RASSF5: variants seen among roughly 807,000 people sequenced by gnomAD.
RASSF5 encodes the protein ras association domain-containing protein 5.
Under a neutral mutation model 40.5 loss-of-function variants are expected in RASSF5, and 25 were observed. That is an observed-to-expected ratio of 0.62 (90% CI 0.45 to 0.86). RASSF5 has a LOEUF of 0.86. RASSF5 is among the 40% of genes least tolerant of loss of function. The pLI, the probability that RASSF5 is intolerant of heterozygous loss-of-function variation, is 0.00. For missense variants in RASSF5, 521 were observed against 572.8 expected (o/e 0.91, Z 0.92); for synonymous variants, 246 against 252.4 (o/e 0.97, Z 0.24).
At chr1:206,514,307 T>A (rs528412576) in intron 1 of RASSF5, among the ~76,000 whole-genome samples, 4 of 152,244 alleles carry the variant, frequency 2.6e-5, no homozygotes, top group Non-Finnish European at 5.9e-5. Flanking sequence ...AGATTTTCTT[T>A]CGGATTTTCC....
Position 206,587,267 on chromosome 1 carries a change from T to C in RASSF5, c.*289T>C. 1 of 386,192 alleles carries C rather than the reference T, an allele frequency of 2.6e-6. No individual in the cohort carries two copies. The highest frequency in any genetic ancestry group is 8.4e-4 in the Middle Eastern group (1 of 1,192). 23.9% of individuals were successfully genotyped at this position (386,192 alleles called of 1,614,324 possible). A position where few individuals can be genotyped will look rare whatever the true frequency, so the allele number is the denominator to read the frequency against. ...TGCAAGCCTTTCACCAACCAAATAGTTGCCTCTCTCGTCACCAAACTGGAA... is the reference window on the plus strand; with the variant it reads ...TGCAAGCCTTTCACCAACCAAATAGCTGCCTCTCTCGTCACCAAACTGGAA... On this transcript the variant is annotated 3_prime_UTR_variant, in exon 6 of 6. Transcript: ENST00000579436.
At chr1:206,517,048 A>G (rs1666765472) in intron 1 of RASSF5, among the ~76,000 whole-genome samples, 1 of 152,196 alleles carries the variant, frequency 6.6e-6, no homozygotes, top group South Asian at 2.1e-4. Flanking sequence ...CTCCCTGAGG[A>G]AGCATTAGGG....
In RASSF5 at chr1:206,536,881, C is replaced by T. The variant is rs957766959; in HGVS notation, c.458-1291C>T. Among the ~76,000 whole-genome samples, 7 of 152,070 alleles carry T rather than the reference C, an allele frequency of 4.6e-5. No individual in the cohort carries two copies. The East Asian group carries it at 1.2e-3, about 25-fold the overall frequency. ...CGCCTAGAAGGCTGGGCCTTCTGGC[C>T]GAGCTGAGGCACCTCCAGAATAGGT... is the stretch of plus-strand genomic sequence containing the variant. On this transcript the variant is annotated intron_variant, in intron 1 of 5. Transcript: ENST00000579436.
At chr1:206,574,987 G>A (rs965738708) in intron 2 of RASSF5, among the ~76,000 whole-genome samples, 1 of 151,196 alleles carries the variant, frequency 6.6e-6, no homozygotes. Context: ...AGCCTCCCGA[G>A]TAGTTGGGAT....
intron 1 of RASSF5, among the ~76,000 whole-genome samples, 188 bp from the exon 2 acceptor site, chr1:206,537,984 T>G (rs1667459541): frequency 6.6e-6 from 1 of 152,216 alleles, no homozygotes; most frequent in African/African-American, 2.4e-5. Flanking sequence ...GTAGAGCACT[T>G]AACTTGCATC....
At chr1:206,539,314 GTCTCTGACGGAAAA>G (rs1299541467) in intron 2 of RASSF5, among the ~76,000 whole-genome samples, 1 of 152,168 alleles carries the variant, frequency 6.6e-6, no homozygotes, top group Non-Finnish European at 1.5e-5. Context: ...TATATCCTGT[GTCTCTGACGGAAAA>G]TCTCAAGGTG....
At chr1:206,581,715 G>C (rs1277879038) in intron 2 of RASSF5, among the ~76,000 whole-genome samples, 1 of 152,178 alleles carries the variant, frequency 6.6e-6, no homozygotes, top group Admixed American at 6.5e-5. Context: ...AGGGGTTGGA[G>C]GTGGGAGGCT....
intron 1 of RASSF5, among the ~76,000 whole-genome samples, chr1:206,525,942 C>T (rs1459950892): frequency 1.3e-5 from 2 of 152,164 alleles, no homozygotes; most frequent in Non-Finnish European, 2.9e-5. Context: ...GGCTCTCTTT[C>T]CTGTGCCTCA....
intron 2 of RASSF5, chr1:206,544,737 A>AGCAGGGCCCCTGCT (rs1553399880): frequency 1.3e-5 from 2 of 152,222 alleles, no homozygotes; most frequent in African/African-American, 4.8e-5. Flanking sequence ...GTCAAGCCTT[A>AGCAGGGCCCCTGCT]GCAGGGCCCC....
At chr1:206,545,517 T>A (rs1431582291) in intron 2 of RASSF5, among the ~76,000 whole-genome samples, 5 of 24,832 alleles carry the variant, frequency 2.0e-4, no homozygotes, top group Non-Finnish European at 3.8e-4. Context: ...ATTTTTTGAG[T>A]TTTTTTATAG....
chr1:206,542,349 A>G (rs1283712988), intron 2 of RASSF5: 1 of 152,120 alleles, frequency 6.6e-6, no homozygotes, highest in African/African-American at 2.4e-5. Flanking sequence ...TGGTTGTTTA[A>G]GACAACCCTA....
intron 1 of RASSF5, among the ~76,000 whole-genome samples, chr1:206,526,819 C>T (rs1209856776): frequency 6.6e-6 from 1 of 152,272 alleles, no homozygotes; most frequent in East Asian, 1.9e-4. Context: ...TTTTGGCTGG[C>T]ATCACATGCT....
intron 2 of RASSF5, among the ~76,000 whole-genome samples, chr1:206,555,581 C>G (rs1436534469): frequency 2.0e-5 from 3 of 152,192 alleles, no homozygotes; most frequent in African/African-American, 7.2e-5. Context: ...CTTTCACCCC[C>G]ATTAATGTGA....
chr1:206,524,715 A>G (rs1572301100), intron 1 of RASSF5, among the ~76,000 whole-genome samples: 1 of 133,804 alleles, frequency 7.5e-6, no homozygotes, highest in East Asian at 2.0e-4. Context: ...CTATATATAA[A>G]AAATAGGGGA....
chr1:206,557,070 C>T (rs1178620345), intron 2 of RASSF5: 4 of 926,712 alleles, frequency 4.3e-6, no homozygotes, highest in Non-Finnish European at 5.2e-6. Flanking sequence ...CACTTGCCAC[C>T]GGGGGCGGGT....
At chr1:206,514,935 T>C (rs1666709338) in intron 1 of RASSF5, among the ~76,000 whole-genome samples, 1 of 152,246 alleles carries the variant, frequency 6.6e-6, no homozygotes, top group African/African-American at 2.4e-5. Flanking sequence ...GCACTGCCTC[T>C]GTCAGGATTG....
chr1:206,574,305 G>A (rs1490002678), intron 2 of RASSF5, among the ~76,000 whole-genome samples: 1 of 152,224 alleles, frequency 6.6e-6, no homozygotes, highest in African/African-American at 2.4e-5. Flanking sequence ...GTGTGCCACA[G>A]CGCATCCATC....
At chr1:206,564,648 C>G (rs1006518501) in intron 2 of RASSF5, among the ~76,000 whole-genome samples, 4 of 152,172 alleles carry the variant, frequency 2.6e-5, no homozygotes, top group Non-Finnish European at 5.9e-5. Flanking sequence ...CCAGGTACCC[C>G]ACACCTGTGT....
chr1:206,536,099 C>T (rs530994897), intron 1 of RASSF5, among the ~76,000 whole-genome samples: 16 of 152,242 alleles, frequency 1.1e-4, no homozygotes, highest in South Asian at 6.2e-4. Flanking sequence ...CTGGGCACTG[C>T]GGGCAGAAGT....
Sources: allele counts gnomAD v4.1 joint callset (sites outside exome capture counted in the v4.1 genomes callset), GRCh38; gene constraint gnomAD v4.1.1; transcripts MANE v1.5; gene names NCBI Gene and HGNC (gene_info 2026-07-23, HGNC 2026-07-21).